The following XIRP2 variants were observed in gnomAD, a reference collection of about 807,000 sequenced individuals.
XIRP2 encodes the protein xin actin binding repeat containing 2, also known as xin actin-binding repeat-containing protein 2.
In XIRP2, 236 loss-of-function variants were observed where a neutral mutation model predicts 277.0. The observed-to-expected ratio is 0.85, with a 90% CI of 0.77 to 0.95. The LOEUF (loss-of-function observed/expected upper bound fraction) is 0.95, where lower values mean the gene tolerates loss of function less well. Ranked by LOEUF, XIRP2 falls within the 40% of genes least tolerant of loss-of-function variation. The pLI, the probability that XIRP2 is intolerant of heterozygous loss-of-function variation, is 0.00. For synonymous variants in XIRP2, 1,490 were observed against 1,416.5 expected (o/e 1.05, Z -1.17); for missense variants, 4,640 against 4,157.5 (o/e 1.12, Z -3.19).
chr2:167,094,240 G>C (rs1157929065), intron 2 of XIRP2, among the ~76,000 whole-genome samples: 1 of 152,036 alleles, frequency 6.6e-6, no homozygotes, highest in Non-Finnish European at 1.5e-5. Flanking sequence ...TGAATAGATT[G>C]CAAAAATTTT....
At chr2:166,915,287 A>G (rs1684835134) in intron 2 of XIRP2, among the ~76,000 whole-genome samples, 1 of 144,334 alleles carries the variant, frequency 6.9e-6, no homozygotes, top group Admixed American at 7.0e-5. Flanking sequence ...GCGACACAGC[A>G]AGACTCCGTC....
At chr2:167,173,864 C>A (rs1033627314) in intron 3 of XIRP2, among the ~76,000 whole-genome samples, 8 of 152,106 alleles carry the variant, frequency 5.3e-5, no homozygotes, top group Non-Finnish European at 1.0e-4. Flanking sequence ...CTCTGATGAT[C>A]AGTGATGGTG....
intron 2 of XIRP2, among the ~76,000 whole-genome samples, chr2:166,939,213 T>G (rs906374344): frequency 6.6e-6 from 1 of 152,204 alleles, no homozygotes; most frequent in African/African-American, 2.4e-5. Flanking sequence ...TTGGCATGTT[T>G]TTGCAGTGGC....
intron 3 of XIRP2, chr2:167,184,634 T>G (rs1304264952): frequency 1.4e-6 from 1 of 716,878 alleles, no homozygotes; most frequent in Non-Finnish European, 2.6e-6. Context: ...ATCCTCAACT[T>G]ATATTTGTAA....
chr2:167,038,287 A>G (rs1199737003), intron 2 of XIRP2, among the ~76,000 whole-genome samples: 1 of 151,970 alleles, frequency 6.6e-6, no homozygotes, highest in Non-Finnish European at 1.5e-5. Context: ...TTACTTTTGC[A>G]CCAACCTATT....
At chr2:167,095,741 T>C (rs1482756216) in intron 2 of XIRP2, among the ~76,000 whole-genome samples, 1 of 151,928 alleles carries the variant, frequency 6.6e-6, no homozygotes, top group East Asian at 1.9e-4. Flanking sequence ...GATTTTCACA[T>C]TGATGTTCAC....
In XIRP2 at chr2:167,244,726, T is replaced by C; in HGVS notation, c.3334T>C (p.Leu1112=). The change falls in exon 9 of 11, where the codon TTA becomes CTA. Residue 1112 remains leucine, a synonymous_variant. Transcript: ENST00000409195. ...GGAGTCTCTTTATGAAAAAGTTTCG[T>C]TAATGACCAGCAGTGAAGAAATTCA... ...PMESLYEKVS[L]MTSSEEIHKG... The C allele has an allele frequency of 6.2e-7, 1 of 1,613,074 alleles. No homozygotes were observed. The highest frequency in any genetic ancestry group is 8.5e-7 in the Non-Finnish European group (1 of 1,179,640).
At chr2:167,028,961 A>G (rs1047423875) in intron 2 of XIRP2, among the ~76,000 whole-genome samples, 1 of 151,824 alleles carries the variant, frequency 6.6e-6, no homozygotes, top group African/African-American at 2.4e-5. Flanking sequence ...AGCAGAATTG[A>G]TCAAGCAGAA....
rs1385222529 is a variant in XIRP2 at position 166,923,692 on chromosome 2, T to A, written c.408+19802T>A. Among the ~76,000 whole-genome samples the A allele has an allele frequency of 4.6e-5, 7 of 152,064 alleles. No homozygotes were observed. The South Asian group carries it at 1.4e-3, about 31-fold the overall frequency. ...GGTAGCCGAACTTCCCCTTAAATAC[T>A]TGCAGTTTCAAGGAGTTCACACTTT... On this transcript the variant is annotated intron_variant, in intron 2 of 10. Transcript: ENST00000409195.
chr2:167,259,191 C>G lies in XIRP2; in HGVS notation c.*1374C>G. 1 of 1,613,386 alleles carries G rather than the reference C, an allele frequency of 6.2e-7. No individual in the cohort carries two copies. Among genetic ancestry groups the G allele is most frequent in the South Asian group, 1.1e-5 (1 of 91,050 alleles). ...AGGGAATTTGGAAAGGATGTTAAAC[C>G]TTGGCATGTTGAAACAACAGAAGCT... On this transcript the variant is annotated 3_prime_UTR_variant, in exon 11 of 11. Transcript: ENST00000409195.
At chr2:166,953,657 G>T (rs966668521) in intron 2 of XIRP2, among the ~76,000 whole-genome samples, 1 of 151,936 alleles carries the variant, frequency 6.6e-6, no homozygotes, top group Non-Finnish European at 1.5e-5. Flanking sequence ...TGAATAGGAA[G>T]TAGAATGTTC....
Position 166,998,279 on chromosome 2 carries a change from A to T in XIRP2, c.408+94389A>T, listed in dbSNP as rs147921780. On this transcript the variant is annotated intron_variant, in intron 2 of 10. Transcript: ENST00000409195. Reference sequence around the variant, plus strand: ...ATTTAAAATAAAACAAAATTAAACTAAAAAAAATTAATTGACAAACCATTA... The same window carrying T: ...ATTTAAAATAAAACAAAATTAAACTTAAAAAAATTAATTGACAAACCATTA... 3.8e-3 allele frequency among the ~76,000 whole-genome samples: 576 copies of T among 152,150 alleles called. 7 individuals are homozygous for T. The highest frequency in any genetic ancestry group is 0.013 in the African/African-American group (530 of 41,502).
At chr2:166,916,053 A>G (rs1365820305) in intron 2 of XIRP2, among the ~76,000 whole-genome samples, 1 of 152,192 alleles carries the variant, frequency 6.6e-6, no homozygotes, top group Non-Finnish European at 1.5e-5. Context: ...CAATGATTAA[A>G]TAGGACATAA....
chr2:167,031,154 A>T (rs894972584), intron 2 of XIRP2, among the ~76,000 whole-genome samples: 1 of 151,958 alleles, frequency 6.6e-6, no homozygotes, highest in Non-Finnish European at 1.5e-5. Flanking sequence ...CCAATTTGCC[A>T]GTCTTTGACT....
At chr2:167,085,438 T>G (rs1395914872) in intron 2 of XIRP2, among the ~76,000 whole-genome samples, 1 of 150,794 alleles carries the variant, frequency 6.6e-6, no homozygotes, top group African/African-American at 2.4e-5. Flanking sequence ...GGGTGGAGAG[T>G]TCTGTAGATG....
At chr2:166,958,107 T>C (rs1406795005) in intron 2 of XIRP2, among the ~76,000 whole-genome samples, 4 of 151,892 alleles carry the variant, frequency 2.6e-5, no homozygotes, top group Admixed American at 6.6e-5. Flanking sequence ...TTGCTAACTA[T>C]GATTTTCTTA....
intron 2 of XIRP2, among the ~76,000 whole-genome samples, chr2:167,010,634 G>A (rs1574159343): frequency 6.6e-6 from 1 of 152,148 alleles, no homozygotes; most frequent in East Asian, 1.9e-4. Context: ...GATGTGGATG[G>A]CATTGAATCT....
chr2:166,933,461 A>T (rs1398518400), intron 2 of XIRP2, among the ~76,000 whole-genome samples: 7 of 151,842 alleles, frequency 4.6e-5, no homozygotes, highest in Admixed American at 4.6e-4. Flanking sequence ...CTTATATATC[A>T]ATTTAAGAGG....
At chr2:166,894,934 G>A (rs1684202053) in intron 1 of XIRP2, among the ~76,000 whole-genome samples, 1 of 152,174 alleles carries the variant, frequency 6.6e-6, no homozygotes, top group African/African-American at 2.4e-5. Context: ...AGGCAGTCAT[G>A]CCGTATGCTG....
Sources: allele counts gnomAD v4.1 joint callset (sites outside exome capture counted in the v4.1 genomes callset), GRCh38; gene constraint gnomAD v4.1.1; transcripts MANE v1.5; gene names NCBI Gene and HGNC (gene_info 2026-07-23, HGNC 2026-07-21).